The following RBFOX1 variants were observed in gnomAD, a reference collection of about 807,000 sequenced individuals.
RBFOX1 encodes the protein RNA binding fox-1 homolog 1.
RBFOX1 carries 8 observed loss-of-function variants against 57.7 expected under a neutral mutation model. The ratio of observed to expected loss-of-function variants is 0.14; its 90% CI spans 0.08 to 0.25. The LOEUF (loss-of-function observed/expected upper bound fraction) is 0.25, where lower values mean the gene tolerates loss of function less well. Among genes scored for constraint, RBFOX1 ranks in the 10% least tolerant of loss-of-function variants. The pLI is 1.00. For synonymous variants in RBFOX1, 326 were observed against 222.4 expected (o/e 1.47, Z -4.15); for missense variants, 611 against 548.5 (o/e 1.11, Z -1.14).
chr16:6,516,797 A>G (rs1486985340), intron 2 of RBFOX1, among the ~76,000 whole-genome samples: 4 of 152,150 alleles, frequency 2.6e-5, no homozygotes, highest in African/African-American at 9.7e-5. Flanking sequence ...TAATTTCACC[A>G]ATAGTTGGTA....
At chr16:5,649,681 T>A (rs1281876205) in intron 3 of RBFOX1, among the ~76,000 whole-genome samples, 2 of 152,216 alleles carry the variant, frequency 1.3e-5, no homozygotes, top group African/African-American at 2.4e-5. Context: ...ACTTTACAAT[T>A]AGCAATATCC....
intron 3 of RBFOX1, among the ~76,000 whole-genome samples, chr16:7,001,189 T>C (rs2092756748): frequency 6.6e-6 from 1 of 152,150 alleles, no homozygotes; most frequent in Non-Finnish European, 1.5e-5. Context: ...AGGAGACTAA[T>C]GATCATTCTA....
At chr16:5,807,857 C>T (rs1189339540) in intron 3 of RBFOX1, among the ~76,000 whole-genome samples, 1 of 152,188 alleles carries the variant, frequency 6.6e-6, no homozygotes, top group Non-Finnish European at 1.5e-5. Flanking sequence ...TGGTCTGGAC[C>T]ACACTTTGAG....
chr16:6,200,397 AG>A (rs2097207595), intron 1 of RBFOX1, among the ~76,000 whole-genome samples: 1 of 152,092 alleles, frequency 6.6e-6, no homozygotes, highest in Non-Finnish European at 1.5e-5. Context: ...AGAGAGAGAG[AG>A]AGAAAGAGAG....
intron 1 of RBFOX1, among the ~76,000 whole-genome samples, chr16:5,456,122 A>C (rs565593365): frequency 1.6e-4 from 25 of 152,298 alleles, no homozygotes; most frequent in Non-Finnish European, 3.5e-4. Context: ...TTAAAAAAAA[A>C]ACGTGCTTAA....
intron 2 of RBFOX1, among the ~76,000 whole-genome samples, chr16:6,471,133 C>G (rs2095165056): frequency 6.6e-6 from 1 of 152,156 alleles, no homozygotes; most frequent in African/African-American, 2.4e-5. Flanking sequence ...GGTCTTCAGA[C>G]ATCAACCCTT....
chr16:7,519,540 ACT>A (rs765101327), intron 5 of RBFOX1: 9 of 227,102 alleles, frequency 4.0e-5, no homozygotes, highest in Non-Finnish European at 5.1e-5. Context: ...ATCAAATATA[ACT>A]CTAAATGAAA....
chr16:6,079,911 C>T (rs1184591697), intron 1 of RBFOX1, among the ~76,000 whole-genome samples: 1 of 152,130 alleles, frequency 6.6e-6, no homozygotes, highest in Non-Finnish European at 1.5e-5. Context: ...GTGTCTAGTC[C>T]ATTGAGAATT....
intron 1 of RBFOX1, among the ~76,000 whole-genome samples, chr16:6,209,496 G>T (rs1312509683): frequency 1.3e-5 from 2 of 152,178 alleles, no homozygotes; most frequent in African/African-American, 4.8e-5. Flanking sequence ...AACCTCTCCG[G>T]TATCAGGGGC....
chr16:7,487,346 T>G (rs2065690311), intron 4 of RBFOX1, among the ~76,000 whole-genome samples: 1 of 152,182 alleles, frequency 6.6e-6, no homozygotes, highest in Non-Finnish European at 1.5e-5. Context: ...TCATCACATG[T>G]ATGGGTCATT....
chr16:5,340,329 T>G lies in RBFOX1; in HGVS notation c.219+100224T>G, dbSNP rs550569258. 2.6e-5 allele frequency among the ~76,000 whole-genome samples: 4 copies of G among 152,342 alleles called. No homozygotes were observed. The East Asian group carries it at 7.7e-4, about 29-fold the overall frequency. On this transcript the variant is annotated intron_variant, in intron 1 of 2. Transcript: ENST00000585867. Reference sequence around the variant, plus strand: ...TGGTTTTCAGAGCTATTTCCTCACATTAAGTTAGTATATTGGTGCCATAAT... The same window carrying G: ...TGGTTTTCAGAGCTATTTCCTCACAGTAAGTTAGTATATTGGTGCCATAAT...
intron 1 of RBFOX1, among the ~76,000 whole-genome samples, chr16:6,134,710 C>T (rs909851167): frequency 7.1e-6 from 1 of 140,486 alleles, no homozygotes; most frequent in Non-Finnish European, 1.5e-5. Flanking sequence ...TGGAGTCTCA[C>T]TCTGTCACCC....
chr16:6,931,069 C>G (rs1308921032), intron 3 of RBFOX1, among the ~76,000 whole-genome samples: 2 of 151,770 alleles, frequency 1.3e-5, no homozygotes, highest in East Asian at 1.9e-4. Context: ...TGCTGTATGC[C>G]TAACATTTAG....
Position 6,019,596 on chromosome 16 carries a change from A to G in RBFOX1, c.-523A>G. 3 of 1,204,406 alleles carry G rather than the reference A, an allele frequency of 2.5e-6. No individual in the cohort carries two copies. Among genetic ancestry groups the G allele is most frequent in the Non-Finnish European group, 3.1e-6 (3 of 969,990 alleles). The allele number at this position is 1,204,406 out of a possible 1,614,324, so 74.6% of individuals were successfully genotyped here. A position where few individuals can be genotyped will look rare whatever the true frequency, so the allele number is the denominator to read the frequency against. ...CACGCGCGCGCCTCCGGGGCTGAAG[A>G]AGGAAGGAGTGAGCCGAGCCGAGCA... On this transcript the variant is annotated 5_prime_UTR_variant, in exon 1 of 16. Transcript: ENST00000550418. The surrounding 1 kb of genome is among the most constrained non-coding windows in gnomAD (Gnocchi z 4.2).
chr16:7,465,748 G>A (rs997592312), intron 4 of RBFOX1, among the ~76,000 whole-genome samples: 1 of 152,116 alleles, frequency 6.6e-6, no homozygotes, highest in Non-Finnish European at 1.5e-5. Flanking sequence ...TCTTCAAGCC[G>A]ATGAATCAGA....
chr16:5,888,866 C>A (rs1438744659), intron 4 of RBFOX1, among the ~76,000 whole-genome samples: 3 of 148,658 alleles, frequency 2.0e-5, no homozygotes, highest in African/African-American at 7.5e-5. Flanking sequence ...TAAACAATAG[C>A]ATGTACACAG....
At chr16:6,123,860 G>A (rs2096569431) in intron 1 of RBFOX1, among the ~76,000 whole-genome samples, 1 of 152,160 alleles carries the variant, frequency 6.6e-6, no homozygotes, top group Non-Finnish European at 1.5e-5. Context: ...AGCTGAGAAT[G>A]TACCACTGCC....
At chr16:5,466,359 G>A (rs576381413) in intron 1 of RBFOX1, among the ~76,000 whole-genome samples, 1 of 152,072 alleles carries the variant, frequency 6.6e-6, no homozygotes, top group Non-Finnish European at 1.5e-5. Context: ...TGTGGGGTTT[G>A]ATCTCCTCCA....
intron 4 of RBFOX1, among the ~76,000 whole-genome samples, chr16:7,403,562 T>TTCCCC (rs1487515249): frequency 8.7e-6 from 1 of 114,666 alleles, no homozygotes; most frequent in African/African-American, 3.3e-5. Context: ...AATGAGAGAA[T>TTCCCC]CCCCCCCCCC....
Sources: allele counts gnomAD v4.1 joint callset (sites outside exome capture counted in the v4.1 genomes callset), GRCh38; gene constraint gnomAD v4.1.1; non-coding constraint Gnocchi (gnomAD v3.1); transcripts MANE v1.5; gene names NCBI Gene and HGNC (gene_info 2026-07-23, HGNC 2026-07-21).